AGK: variants seen among roughly 807,000 people sequenced by gnomAD.
AGK encodes acylglycerol kinase.
AGK carries 52 observed loss-of-function variants against 66.4 expected under a neutral mutation model. That is an observed-to-expected ratio of 0.78 (90% CI 0.63 to 0.99). The LOEUF (loss-of-function observed/expected upper bound fraction) is 0.99. Among genes scored for constraint, AGK ranks in the 50% least tolerant of loss-of-function variants. The pLI, the probability that AGK is intolerant of heterozygous loss-of-function variation, is 0.00. For missense variants in AGK, 451 were observed against 506.6 expected, an observed-to-expected ratio of 0.89 and a Z score of 1.05; for synonymous variants, 182 against 181.1, an observed-to-expected ratio of 1.00 and a Z score of -0.04.
intron 2 of AGK, among the ~76,000 whole-genome samples, chr7:141,591,541 T>C (rs902746085): frequency 2.0e-5 from 3 of 152,156 alleles, no homozygotes; most frequent in Non-Finnish European, 4.4e-5. Context: ...ACAGCAACTC[T>C]GGCAAAAAGC....
intron 2 of AGK, among the ~76,000 whole-genome samples, chr7:141,586,115 C>T (rs1218572642): frequency 2.0e-5 from 3 of 152,098 alleles, no homozygotes; most frequent in Non-Finnish European, 2.9e-5. Context: ...CTTCTAGCTA[C>T]AGGGCCACTT....
In AGK at chr7:141,652,756, T is replaced by G. The variant is rs367603448; in HGVS notation, c.1132-31T>G. The G allele has an allele frequency of 3.1e-6, 5 of 1,611,120 alleles. No individual in the cohort carries two copies. In the South Asian group the frequency reaches 5.5e-5, roughly 18 times the overall value. On this transcript the variant is annotated intron_variant, in intron 15 of 15. Coordinates refer to ENST00000649286, the MANE Select transcript of AGK (RefSeq NM_018238.4). ...AACTCCAGTAGGCCACTGATGTGTT[T>G]GAGCTGTTCTGAATATTCTCTTCTC...
At chr7:141,638,122 AG>A (rs1449691806) in intron 11 of AGK, among the ~76,000 whole-genome samples, 1 of 152,226 alleles carries the variant, frequency 6.6e-6, no homozygotes, top group Non-Finnish European at 1.5e-5. Flanking sequence ...CAAATGAGAC[AG>A]GTTTCCTGCC....
chr7:141,631,483 A>G (rs1262512587), intron 9 of AGK, among the ~76,000 whole-genome samples: 1 of 152,216 alleles, frequency 6.6e-6, no homozygotes, highest in Non-Finnish European at 1.5e-5. Flanking sequence ...CTTTGATAAA[A>G]TCATCACTTA....
In AGK at chr7:141,654,250, AGTT is replaced by A. The variant is rs1392100152; in HGVS notation, c.*1327_*1329del. On this transcript the variant is annotated 3_prime_UTR_variant, in exon 16 of 16. Coordinates refer to ENST00000649286, the MANE Select transcript of AGK (RefSeq NM_018238.4). ...CGGTATTAATTCTTGGATGATTAAA[AGTT>A]TTTTTATTAGAATGTTCTTTATCCT... 1.3e-5 allele frequency: 2 copies of A among 152,186 alleles called. No homozygotes were observed. The highest frequency in any genetic ancestry group is 2.9e-5 in the Non-Finnish European group (2 of 68,016). The allele number at this position is 152,186 out of a possible 1,614,324, so 9.4% of individuals were successfully genotyped here.
Position 141,555,561 on chromosome 7 carries a change from A to G in AGK, c.95A>G (p.Lys32Arg). ...LTWGGHWLYG[K>R]HCDNLLRRAA... ...TGGGGAGGCCATTGGCTCTATGGAA[A>G]ACACTGGTAACTATCTGACAGCCCC... The change falls in exon 2 of 16, where the codon AAA becomes AGA. Residue 32 changes from lysine to arginine, a missense_variant. Transcript: ENST00000649286. This position sits in a 1 kb window ranked among gnomAD's most constrained non-coding sequence, Gnocchi z 4.2. 6.2e-7 allele frequency: 1 copy of G among 1,612,074 alleles called. No individual in the cohort carries two copies. Among genetic ancestry groups the G allele is most frequent in the Non-Finnish European group, 8.5e-7 (1 of 1,178,690 alleles).
intron 13 of AGK, chr7:141,649,061 T>G (rs1316215348): frequency 7.5e-6 from 3 of 400,674 alleles, no homozygotes; most frequent in Non-Finnish European, 8.8e-6. Context: ...GAGATGAATT[T>G]TCTATAAATT....
intron 2 of AGK, among the ~76,000 whole-genome samples, chr7:141,556,607 T>A (rs1795216992): frequency 6.6e-6 from 1 of 152,088 alleles, no homozygotes; most frequent in South Asian, 2.1e-4. Flanking sequence ...CTTGACTGTT[T>A]TTCTTTAGCT....
chr7:141,651,711 T>G (rs1235641950), intron 15 of AGK, 102 bp downstream of exon 15: 2 of 1,100,524 alleles, frequency 1.8e-6, no homozygotes, highest in Non-Finnish European at 2.8e-6. Context: ...TGACCTAGAC[T>G]TAGGCACATA....
intron 14 of AGK, chr7:141,650,755 C>G: frequency 1.1e-6 from 1 of 870,156 alleles, no homozygotes; most frequent in Non-Finnish European, 1.4e-6. Context: ...TACAGTCATC[C>G]CACGGTATCC....
intron 9 of AGK, among the ~76,000 whole-genome samples, 174 bp from the exon 10 acceptor site, chr7:141,633,727 T>C (rs1427652440): frequency 6.6e-6 from 1 of 152,232 alleles, no homozygotes; most frequent in Non-Finnish European, 1.5e-5. Context: ...CAGTGTGGCT[T>C]ATTCAAGTAT....
chr7:141,564,805 C>A (rs890575992), intron 2 of AGK, among the ~76,000 whole-genome samples: 2 of 152,078 alleles, frequency 1.3e-5, no homozygotes, highest in African/African-American at 4.8e-5. Flanking sequence ...TCTCCACTCA[C>A]CACAACCTCT....
At chr7:141,558,254 T>C (rs545401779) in intron 2 of AGK, among the ~76,000 whole-genome samples, 2 of 151,956 alleles carry the variant, frequency 1.3e-5, no homozygotes, top group South Asian at 4.2e-4. Flanking sequence ...GCCTCCGAGG[T>C]TCAAGTGATT....
At chr7:141,568,908 C>T (rs1481833092) in intron 2 of AGK, among the ~76,000 whole-genome samples, 2 of 152,116 alleles carry the variant, frequency 1.3e-5, no homozygotes, top group Admixed American at 6.5e-5. Context: ...CATCTAGCTT[C>T]TCAGCTTAGG....
At chr7:141,601,378 C>A in intron 5 of AGK, 98 bp downstream of exon 5, 1 of 897,246 alleles carries the variant, frequency 1.1e-6, no homozygotes, top group South Asian at 1.5e-5. Context: ...GTCACAAGAG[C>A]AAAGAAATTA....
intron 11 of AGK, 149 bp from the exon 12 acceptor site, chr7:141,641,099 C>T (rs1429839441): frequency 3.1e-6 from 2 of 653,350 alleles, no homozygotes; most frequent in Admixed American, 3.4e-5. Flanking sequence ...GGATTCCATG[C>T]TCCAAACTAG....
chr7:141,591,014 TATCAAACAAC>T (rs768244499), intron 2 of AGK, among the ~76,000 whole-genome samples: 16 of 152,062 alleles, frequency 1.1e-4, no homozygotes, highest in Non-Finnish European at 1.9e-4. Context: ...AAATCTTTGT[TATCAAACAAC>T]ATCAGCTTTT....
intron 2 of AGK, among the ~76,000 whole-genome samples, chr7:141,566,111 T>G (rs971494742): frequency 6.6e-6 from 1 of 152,248 alleles, no homozygotes; most frequent in Non-Finnish European, 1.5e-5. Context: ...CCGCGGAACA[T>G]TCTGACTTTC....
Position 141,585,169 on chromosome 7 carries a change from C to T in AGK, c.102-7977C>T, listed in dbSNP as rs530084269. ...CCTTCTATCCAAATGGAGATTCTGT[C>T]GGCCGAAAAGATCAAGCATTCTTCC... On this transcript the variant is annotated intron_variant, in intron 2 of 15. Coordinates refer to ENST00000649286, the MANE Select transcript of AGK (RefSeq NM_018238.4). 9.5e-4 allele frequency among the ~76,000 whole-genome samples: 145 copies of T among 152,262 alleles called. 1 individual carries two copies. The highest frequency in any genetic ancestry group is 2.0e-3 in the African/African-American group (85 of 41,556).
Sources: gnomAD v4.1 joint callset for allele counts (sites outside exome capture counted in the v4.1 genomes callset) on GRCh38, gnomAD v4.1.1 for gene constraint, Gnocchi (gnomAD v3.1) non-coding constraint, MANE v1.5 for transcripts, NCBI Gene and HGNC (gene_info 2026-07-23, HGNC 2026-07-21) for gene names.